Variants in PCDH11X observed in about 807,000 individuals in gnomAD.
The protein encoded by PCDH11X is protocadherin 11 X-linked, also known as protocadherin-11 X-linked.
In PCDH11X, 18 loss-of-function variants were observed where a neutral mutation model predicts 53.3. That is an observed-to-expected ratio of 0.34 (90% CI 0.23 to 0.50). The LOEUF (loss-of-function observed/expected upper bound fraction) is 0.50, where lower values mean the gene tolerates loss of function less well. PCDH11X is among the 20% of genes least tolerant of loss of function. The probability of loss-of-function intolerance (pLI) is 0.98; values close to 1 mark genes in which losing one functional copy is unlikely to be tolerated. For missense variants in PCDH11X, 570 were observed against 1,032.4 expected (o/e 0.55, Z 6.14); for synonymous variants, 279 against 393.3 (o/e 0.71, Z 3.44).
intron 1 of PCDH11X, among the ~76,000 whole-genome samples, chrX:91,783,510 TAGAG>T (rs1935231128): frequency 8.9e-6 from 1 of 111,934 alleles, no homozygotes; most frequent in South Asian, 3.7e-4. Context: ...AAATTCTTGA[TAGAG>T]AGCTTCCAGA....
At chrX:91,997,978 G>T (rs1186996141) in intron 6 of PCDH11X, among the ~76,000 whole-genome samples, 1 of 106,160 alleles carries the variant, frequency 9.4e-6, no homozygotes, top group African/African-American at 3.4e-5. Flanking sequence ...CTGTCACCCA[G>T]GCTGGGGTGC....
chrX:91,923,046 G>A (rs2524632), intron 6 of PCDH11X, among the ~76,000 whole-genome samples: 14,068 of 104,894 alleles, frequency 0.13, 1,078 homozygotes, highest in East Asian at 0.18. Flanking sequence ...GTGGACATCA[G>A]TGTAAAAAAT....
At chrX:92,479,136 A>G (rs960885971) in intron 10 of PCDH11X, among the ~76,000 whole-genome samples, 5 of 111,515 alleles carry the variant, frequency 4.5e-5, no homozygotes, top group African/African-American at 1.6e-4. Context: ...TCTTTTTTCT[A>G]TATTTGTTGG....
At chrX:91,958,356 C>T (rs1434632859) in intron 6 of PCDH11X, among the ~76,000 whole-genome samples, 1 of 111,575 alleles carries the variant, frequency 9.0e-6, no homozygotes, top group Non-Finnish European at 1.9e-5. Flanking sequence ...TCCCACCTTA[C>T]TGGTGATCCC....
intron 10 of PCDH11X, among the ~76,000 whole-genome samples, chrX:92,509,226 A>G (rs140833421): frequency 0.046 from 5,080 of 109,698 alleles, 89 homozygotes; most frequent in South Asian, 0.12. Context: ...AATAAATTGT[A>G]AGATTTGCTT....
At chrX:92,036,245 G>A (rs1406407472) in intron 6 of PCDH11X, among the ~76,000 whole-genome samples, 1 of 109,607 alleles carries the variant, frequency 9.1e-6, no homozygotes, top group Non-Finnish European at 1.9e-5. Context: ...TGAGGAGTTC[G>A]GTGTTCATTG....
At chrX:92,113,750 T>C in intron 6 of PCDH11X, 1 of 1,201,738 alleles carries the variant, frequency 8.3e-7, no homozygotes, top group Non-Finnish European at 1.1e-6. Flanking sequence ...AACTCTTCCT[T>C]CTTGACAAGA....
chrX:91,918,332 TGAG>T, intron 6 of PCDH11X, among the ~76,000 whole-genome samples: 1 of 108,876 alleles, frequency 9.2e-6, no homozygotes, highest in South Asian at 3.9e-4. Flanking sequence ...GTTTTCATCT[TGAG>T]GAGATCAAGT....
At chrX:92,393,241 A>G (rs2071171853) in intron 9 of PCDH11X, among the ~76,000 whole-genome samples, 1 of 111,222 alleles carries the variant, frequency 9.0e-6, no homozygotes, top group South Asian at 3.7e-4. Flanking sequence ...AGCAAGGCCA[A>G]TTCTGACTCT....
intron 7 of PCDH11X, among the ~76,000 whole-genome samples, chrX:92,242,067 A>G (rs2067271227): frequency 9.2e-6 from 1 of 108,461 alleles, no homozygotes; most frequent in African/African-American, 3.4e-5. Context: ...ACTGCACTCC[A>G]GCCTGGGCAA....
intron 10 of PCDH11X, among the ~76,000 whole-genome samples, chrX:92,570,534 AG>A (rs1322282221): frequency 5.6e-4 from 59 of 105,911 alleles, no homozygotes; most frequent in African/African-American, 1.9e-3. Flanking sequence ...TGTATGCAAA[AG>A]TAATTAGGTG....
intron 8 of PCDH11X, among the ~76,000 whole-genome samples, chrX:92,300,373 G>A (rs1208100392): frequency 1.8e-5 from 2 of 111,575 alleles, no homozygotes; most frequent in African/African-American, 6.5e-5. Context: ...TGAGTTGCCA[G>A]AGTGCTTGTG....
intron 10 of PCDH11X, among the ~76,000 whole-genome samples, chrX:92,494,452 A>G (rs2073826286): frequency 9.3e-6 from 1 of 107,874 alleles, no homozygotes; most frequent in Non-Finnish European, 1.9e-5. Flanking sequence ...AGTTTATTCT[A>G]TGAAAAATGA....
At chrX:92,403,575 G>C (rs1294541542) in intron 9 of PCDH11X, among the ~76,000 whole-genome samples, 5 of 110,146 alleles carry the variant, frequency 4.5e-5, no homozygotes, top group Non-Finnish European at 3.8e-5. Flanking sequence ...ACAGAAATCA[G>C]CATGGAGCAC....
chrX:92,518,708 T>A (rs2074310779), intron 10 of PCDH11X, among the ~76,000 whole-genome samples: 1 of 109,152 alleles, frequency 9.2e-6, no homozygotes, highest in Non-Finnish European at 1.9e-5. Context: ...AGATACAAAT[T>A]AAATCTTGCA....
At position 92,200,180 on chromosome X, in the gene PCDH11X, A is replaced by G. The variant is rs186039354; in HGVS notation, c.3034-1195A>G. ...TGGTTATTTATCCCCAAAGCAGTCA[A>G]CATCACTAATCTTCAGGGAAATGCA... On this transcript the variant is annotated intron_variant, in intron 6 of 10. Coordinates refer to ENST00000682573, the MANE Select transcript of PCDH11X (RefSeq NM_032968.5). Among the ~76,000 whole-genome samples the G allele has an allele frequency of 4.5e-3, 505 of 111,288 alleles. 3 individuals carry two copies. Among genetic ancestry groups the G allele is most frequent in the Non-Finnish European group, 7.4e-3 (390 of 53,020 alleles).
At chrX:91,855,133 C>A (rs1938251391) in intron 5 of PCDH11X, among the ~76,000 whole-genome samples, 1 of 111,848 alleles carries the variant, frequency 8.9e-6, no homozygotes, top group South Asian at 3.7e-4. Context: ...AGCTTGAGAT[C>A]TTAAATTTAA....
chrX:92,169,083 A>C (rs1292848207), intron 6 of PCDH11X, among the ~76,000 whole-genome samples: 1 of 107,297 alleles, frequency 9.3e-6, no homozygotes, highest in Non-Finnish European at 1.9e-5. Flanking sequence ...ATACTTTCTC[A>C]AGATGAATGA....
chrX:92,045,979 G>T (rs12013809), intron 6 of PCDH11X, among the ~76,000 whole-genome samples: 10,117 of 108,173 alleles, frequency 0.094, 601 homozygotes, highest in East Asian at 0.4. Flanking sequence ...GTTTATTTTG[G>T]CAGGGATTCC....
Sources: allele counts gnomAD v4.1 joint callset (sites outside exome capture counted in the v4.1 genomes callset), GRCh38; gene constraint gnomAD v4.1.1; transcripts MANE v1.5; gene names NCBI Gene and HGNC (gene_info 2026-07-23, HGNC 2026-07-21).